The following MTCL2 variants were observed in gnomAD, a reference collection of about 807,000 sequenced individuals.
The protein encoded by MTCL2 is microtubule crosslinking factor 2, also known as microtubule cross-linking factor 2.
At chr20:36,843,087 C>T in the MTCL2 span, among the ~76,000 whole-genome samples, 1 of 152,222 alleles carries the variant, frequency 6.6e-6, no homozygotes, top group African/African-American at 2.4e-5. Flanking sequence ...ACACCTCTGG[C>T]TTCTGTCCGA....
the MTCL2 span, among the ~76,000 whole-genome samples, chr20:36,801,291 G>A: frequency 1.3e-5 from 2 of 152,070 alleles, no homozygotes; most frequent in Non-Finnish European, 2.9e-5. Context: ...CTCCACACTA[G>A]GAACACCAGG....
At chr20:36,834,924 C>T in the MTCL2 span, among the ~76,000 whole-genome samples, 2 of 151,846 alleles carry the variant, frequency 1.3e-5, no homozygotes, top group Non-Finnish European at 2.9e-5. Context: ...ATTGCTGGAA[C>T]CCAGGAGGCA....
the MTCL2 span, among the ~76,000 whole-genome samples, chr20:36,858,517 C>A: frequency 7.2e-6 from 1 of 139,648 alleles, no homozygotes; most frequent in Non-Finnish European, 1.5e-5. Context: ...CACACACACA[C>A]ACACACGGCA....
the MTCL2 span, among the ~76,000 whole-genome samples, chr20:36,844,758 G>A: frequency 1.3e-5 from 2 of 151,814 alleles, no homozygotes; most frequent in African/African-American, 2.4e-5. Flanking sequence ...AGTGGCTCAC[G>A]CCTGTAATCC....
chr20:36,817,282 AAAG>A, the MTCL2 span: 22 of 884,030 alleles, frequency 2.5e-5, no homozygotes, highest in Admixed American at 6.0e-5. Context: ...AAAAAAAAAA[AAAG>A]AAAAGAAAAA....
At chr20:36,835,729 G>A in the MTCL2 span, among the ~76,000 whole-genome samples, 1 of 152,128 alleles carries the variant, frequency 6.6e-6, no homozygotes, top group Non-Finnish European at 1.5e-5. Context: ...GCTGCAGCGT[G>A]GGGAGAGGAG....
At chr20:36,841,871 T>TGGGGG in the MTCL2 span, among the ~76,000 whole-genome samples, 10 of 105,762 alleles carry the variant, frequency 9.5e-5, no homozygotes, top group South Asian at 3.4e-4. Flanking sequence ...GGGTGGGGGG[T>TGGGGG]GGGGTGTGTG....
the MTCL2 span, among the ~76,000 whole-genome samples, chr20:36,812,078 A>G: frequency 6.6e-6 from 1 of 152,214 alleles, no homozygotes; most frequent in Admixed American, 6.5e-5. Context: ...AGCTGTGGCC[A>G]GAAGGTAGAA....
chr20:36,828,541 AC>A, the MTCL2 span: 1 of 154,096 alleles, frequency 6.5e-6, no homozygotes, highest in Non-Finnish European at 1.4e-5. Flanking sequence ...AAGCACCAGT[AC>A]CCCAGAGACA....
At chr20:36,810,005 T>G in the MTCL2 span, 1 of 1,602,116 alleles carries the variant, frequency 6.2e-7, no homozygotes, top group Non-Finnish European at 8.5e-7. Context: ...TGGTTGAAAT[T>G]GTCGGCCTCC....
chr20:36,850,155 G>A, the MTCL2 span, among the ~76,000 whole-genome samples: 2 of 152,106 alleles, frequency 1.3e-5, no homozygotes, highest in Non-Finnish European at 1.5e-5. Flanking sequence ...CAGGGGCGGG[G>A]AGCTGGAATC....
chr20:36,809,195 C>T, the MTCL2 span, among the ~76,000 whole-genome samples: 1 of 152,188 alleles, frequency 6.6e-6, no homozygotes, highest in Non-Finnish European at 1.5e-5. Context: ...AGGCCCAGCC[C>T]TGCCACACTC....
the MTCL2 span, among the ~76,000 whole-genome samples, chr20:36,792,016 G>A: frequency 6.6e-6 from 1 of 152,194 alleles, no homozygotes; most frequent in African/African-American, 2.4e-5. Flanking sequence ...AGCAGGAGTG[G>A]GGTGTGAAAG....
chr20:36,795,690 T>C, the MTCL2 span, among the ~76,000 whole-genome samples: 1,004 of 152,108 alleles, frequency 6.6e-3, 13 homozygotes, highest in African/African-American at 0.023. Context: ...GCAGGAGAAT[T>C]GCTTGAACCT....
the MTCL2 span, chr20:36,817,408 T>C: frequency 3.2e-6 from 5 of 1,587,288 alleles, no homozygotes; most frequent in Non-Finnish European, 4.3e-6. Flanking sequence ...GGGAATTACC[T>C]GCACCAAAGT....
At chr20:36,790,950 C>T in the MTCL2 span, among the ~76,000 whole-genome samples, 3 of 152,190 alleles carry the variant, frequency 2.0e-5, no homozygotes, top group Middle Eastern at 3.4e-3. Flanking sequence ...GTAACGCACT[C>T]GCCACACACT....
the MTCL2 span, among the ~76,000 whole-genome samples, chr20:36,838,771 C>T: frequency 6.6e-6 from 1 of 152,028 alleles, no homozygotes; most frequent in Admixed American, 6.6e-5. Context: ...AGTTCGAAAC[C>T]AGGCTGGCCA....
the MTCL2 span, among the ~76,000 whole-genome samples, chr20:36,789,642 G>C: frequency 6.6e-6 from 1 of 151,288 alleles, no homozygotes; most frequent in Non-Finnish European, 1.5e-5. Flanking sequence ...TCCAACCTGG[G>C]TGACAGAGTG....
chr20:36,862,478 G>A, the MTCL2 span, among the ~76,000 whole-genome samples: 1 of 152,158 alleles, frequency 6.6e-6, no homozygotes, highest in African/African-American at 2.4e-5. Context: ...CCCAAATAAA[G>A]TTGAGAGGGG....
Sources: gnomAD v4.1 joint callset for allele counts (sites outside exome capture counted in the v4.1 genomes callset) on GRCh38, gnomAD v4.1.1 for gene constraint, MANE v1.5 for transcripts, NCBI Gene and HGNC (gene_info 2026-07-23, HGNC 2026-07-21) for gene names.